The following TRERF1 variants were observed in gnomAD, a reference collection of about 807,000 sequenced individuals.
TRERF1 encodes transcriptional-regulating factor 1.
A neutral mutation model predicts 122.9 loss-of-function variants in TRERF1; 27 were observed. The ratio of observed to expected loss-of-function variants is 0.22; its 90% CI spans 0.16 to 0.30. The LOEUF is 0.30. Ranked by LOEUF, TRERF1 falls within the 10% of genes least tolerant of loss-of-function variation. The probability of loss-of-function intolerance (pLI) is 1.00; values close to 1 mark genes in which losing one functional copy is unlikely to be tolerated. For missense variants in TRERF1, 1,248 were observed against 1,560.3 expected (o/e 0.80, Z 3.37); for synonymous variants, 636 against 641.7 (o/e 0.99, Z 0.13).
At chr6:42,436,812 AAAATATATATATATATATATATATAT>A (rs1173054362) in intron 2 of TRERF1, among the ~76,000 whole-genome samples, 1 of 97,958 alleles carries the variant, frequency 1.0e-5, no homozygotes, top group Non-Finnish European at 2.0e-5. Flanking sequence ...AAAAAAAAAA[AAAATATATATATATATATATATATAT>A]ATATATATAT....
chr6:42,413,084 C>T (rs186596457), intron 2 of TRERF1, among the ~76,000 whole-genome samples: 76 of 152,336 alleles, frequency 5.0e-4, no homozygotes, highest in Admixed American at 7.8e-4. Context: ...CACAAACCAT[C>T]TTCTACCCTC....
intron 2 of TRERF1, among the ~76,000 whole-genome samples, chr6:42,443,098 T>C (rs1174668827): frequency 6.6e-6 from 1 of 152,206 alleles, no homozygotes; most frequent in African/African-American, 2.4e-5. Context: ...GTTGATTTCT[T>C]CCTTCTCTCT....
intron 3 of TRERF1, among the ~76,000 whole-genome samples, chr6:42,330,797 G>A (rs1765111538): frequency 6.6e-6 from 1 of 152,172 alleles, no homozygotes; most frequent in Non-Finnish European, 1.5e-5. Context: ...CTCCTGAGTA[G>A]CTGGGACTGC....
chr6:42,270,074 T>G (rs1582712872), intron 4 of TRERF1, among the ~76,000 whole-genome samples: 1 of 152,316 alleles, frequency 6.6e-6, no homozygotes, highest in Middle Eastern at 3.4e-3. Flanking sequence ...TAGTCCCAGC[T>G]GCTCAGGAGG....
chr6:42,247,185 A>G (rs990400695), intron 13 of TRERF1, among the ~76,000 whole-genome samples: 1 of 152,264 alleles, frequency 6.6e-6, no homozygotes, highest in Admixed American at 6.5e-5. Context: ...TAAAGGTCAC[A>G]TAGAAGCAAG....
At chr6:42,385,667 T>C (rs1776678813) in intron 2 of TRERF1, among the ~76,000 whole-genome samples, 1 of 152,214 alleles carries the variant, frequency 6.6e-6, no homozygotes, top group Admixed American at 6.5e-5. Flanking sequence ...AGTGTTTTAA[T>C]GGCATATTAC....
chr6:42,405,522 C>A (rs1306028146), intron 2 of TRERF1, among the ~76,000 whole-genome samples: 1 of 152,080 alleles, frequency 6.6e-6, no homozygotes. Context: ...GGGTCTGGTG[C>A]GGTGGCTCAC....
intron 2 of TRERF1, among the ~76,000 whole-genome samples, chr6:42,408,373 C>CTTTTTT (rs34753779): frequency 1.6e-5 from 1 of 62,968 alleles, no homozygotes; most frequent in African/African-American, 6.5e-5. Context: ...ATATATATAT[C>CTTTTTT]TTTTTTTTTT....
intron 2 of TRERF1, among the ~76,000 whole-genome samples, chr6:42,399,776 C>G (rs1434049584): frequency 6.6e-6 from 1 of 152,184 alleles, no homozygotes; most frequent in East Asian, 1.9e-4. Context: ...CTGTGGCATT[C>G]TGAACATGTC....
At chr6:42,415,449 A>C (rs954836667) in intron 2 of TRERF1, among the ~76,000 whole-genome samples, 4 of 152,112 alleles carry the variant, frequency 2.6e-5, no homozygotes, top group Admixed American at 6.5e-5. Context: ...CAAACTTAGG[A>C]AGGTCTCTCT....
intron 15 of TRERF1, among the ~76,000 whole-genome samples, chr6:42,239,529 CCT>C (rs1196375526): frequency 2.6e-5 from 4 of 152,182 alleles, no homozygotes; most frequent in African/African-American, 7.2e-5. Context: ...CTTCTTTTCC[CCT>C]CTCAAGTCCT....
intron 2 of TRERF1, among the ~76,000 whole-genome samples, chr6:42,395,300 T>C (rs1778408552): frequency 6.6e-6 from 1 of 152,086 alleles, no homozygotes; most frequent in Admixed American, 6.6e-5. Flanking sequence ...ACCCAGAAAA[T>C]GAACAGCAAC....
chr6:42,376,383 T>C (rs1774866389), intron 2 of TRERF1, among the ~76,000 whole-genome samples: 1 of 152,034 alleles, frequency 6.6e-6, no homozygotes, highest in South Asian at 2.1e-4. Flanking sequence ...GAGGGATGTC[T>C]GAGAGATGAT....
chr6:42,266,409 G>A (rs549025080), intron 5 of TRERF1, among the ~76,000 whole-genome samples: 2 of 152,156 alleles, frequency 1.3e-5, no homozygotes, highest in East Asian at 3.9e-4. Flanking sequence ...GGCTGGTCTC[G>A]AACTCCTGGG....
At chr6:42,357,322 CTG>C (rs1770762027) in intron 3 of TRERF1, among the ~76,000 whole-genome samples, 1 of 116,052 alleles carries the variant, frequency 8.6e-6, no homozygotes, top group Non-Finnish European at 1.6e-5. Flanking sequence ...GAGTAAGACT[CTG>C]TCTCAAAAAA....
At chr6:42,260,704 G>A (rs529196941) in intron 8 of TRERF1, among the ~76,000 whole-genome samples, 1 of 152,110 alleles carries the variant, frequency 6.6e-6, no homozygotes, top group Non-Finnish European at 1.5e-5. Flanking sequence ...AGTCACAGCT[G>A]CAGGTCCTGG....
Position 42,294,537 on chromosome 6 carries a change from G to T in TRERF1, c.-259+6101C>A, listed in dbSNP as rs1363294805. Among the ~76,000 whole-genome samples the T allele has an allele frequency of 3.3e-5, 5 of 152,118 alleles. No individual in the cohort carries two copies. The East Asian group carries it at 9.6e-4, about 29-fold the overall frequency. On this transcript the variant is annotated intron_variant, in intron 4 of 17. Transcript: ENST00000372922. ...GCTATGACTGGTATAATAATATAAT[G>T]AAATGTTTTTAGAAAGGTTCCACCA...
At chr6:42,261,984 TG>T (rs112181683) in intron 8 of TRERF1, among the ~76,000 whole-genome samples, 6 of 151,420 alleles carry the variant, frequency 4.0e-5, no homozygotes, top group African/African-American at 7.3e-5. Context: ...CTTGAAGGGG[TG>T]GGGGGGGTGT....
chr6:42,414,285 T>A (rs1781526088), intron 2 of TRERF1, among the ~76,000 whole-genome samples: 1 of 152,124 alleles, frequency 6.6e-6, no homozygotes, highest in Non-Finnish European at 1.5e-5. Context: ...CATTCACACT[T>A]TTTTTTAATG....
Sources: gnomAD v4.1 joint callset for allele counts (sites outside exome capture counted in the v4.1 genomes callset) on GRCh38, gnomAD v4.1.1 for gene constraint, MANE v1.5 for transcripts, NCBI Gene and HGNC (gene_info 2026-07-23, HGNC 2026-07-21) for gene names.